HEATR5B: variants seen among roughly 807,000 people sequenced by gnomAD.
HEATR5B encodes HEAT repeat-containing protein 5B.
In HEATR5B, 156 loss-of-function variants were observed where a neutral mutation model predicts 224.1. That is an observed-to-expected ratio of 0.70 (90% CI 0.61 to 0.80). The LOEUF (loss-of-function observed/expected upper bound fraction) is 0.80. HEATR5B is among the 30% of genes least tolerant of loss of function. The pLI, the probability that HEATR5B is intolerant of heterozygous loss-of-function variation, is 0.00. For synonymous variants in HEATR5B, 1,027 were observed against 893.0 expected (o/e 1.15, Z -2.68); for missense variants, 2,323 against 2,535.5 (o/e 0.92, Z 1.80).
chr2:36,981,591 C>T lies in HEATR5B; in HGVS notation c.6115G>A (p.Val2039Ile), dbSNP rs142274487. 4.2e-5 allele frequency: 67 copies of T among 1,614,042 alleles called. No homozygotes were observed. The highest frequency in any genetic ancestry group is 8.0e-5 in the African/African-American group (6 of 74,920). Residue 2039 changes from valine to isoleucine, a missense_variant, in exon 36 of 36, where the codon GTT becomes ATT. Transcript: ENST00000233099. ...GCTTTGCTCGCTTGGCTTGCTCGAACGGCAGTTTCTAGACGCACTTTCAAC... is the reference window on the plus strand; with the variant it reads ...GCTTTGCTCGCTTGGCTTGCTCGAATGGCAGTTTCTAGACGCACTTTCAAC... ...PELKVRLETA[V>I]RASQASKAKA...
chr2:36,983,682 C>G (rs1439629903), intron 35 of HEATR5B, among the ~76,000 whole-genome samples: 1 of 151,662 alleles, frequency 6.6e-6, no homozygotes, highest in Admixed American at 6.6e-5. Flanking sequence ...GAGCAGAGAT[C>G]GTGCCATTGC....
chr2:37,029,072 T>C (rs1668957606), intron 22 of HEATR5B, 152 bp from the exon 23 acceptor site: 1 of 670,428 alleles, frequency 1.5e-6, no homozygotes, highest in Non-Finnish European at 2.5e-6. Context: ...CTAGTTTACA[T>C]ATCTTTGGGA....
At chr2:37,016,540 C>T (rs527944597) in intron 26 of HEATR5B, among the ~76,000 whole-genome samples, 1 of 152,260 alleles carries the variant, frequency 6.6e-6, no homozygotes, top group South Asian at 2.1e-4. Flanking sequence ...TGTGGCAGCA[C>T]CCCATAATTA....
At chr2:37,067,680 G>A (rs944642967) in intron 8 of HEATR5B, among the ~76,000 whole-genome samples, 5 of 152,134 alleles carry the variant, frequency 3.3e-5, no homozygotes, top group Non-Finnish European at 7.3e-5. Context: ...GGTGAGGCAG[G>A]AGAATAATTT....
In HEATR5B at chr2:37,058,875, A is replaced by G. The variant is rs1448702762; in HGVS notation, c.1949+13T>C. On this transcript the variant is annotated intron_variant, in intron 13 of 35. Transcript: ENST00000233099. Reference sequence around the variant, plus strand: ...TAAAATAGGATGTGAACTTGTCTCAATCGCTTACTTACTGTGACATCATAG... The same window carrying G: ...TAAAATAGGATGTGAACTTGTCTCAGTCGCTTACTTACTGTGACATCATAG... 1.7e-5 allele frequency: 26 copies of G among 1,506,492 alleles called. No homozygotes were observed. The highest frequency in any genetic ancestry group is 2.3e-5 in the East Asian group (1 of 44,160). The allele number at this position is 1,506,492 out of a possible 1,614,324, so 93.3% of individuals were successfully genotyped here.
intron 27 of HEATR5B, among the ~76,000 whole-genome samples, chr2:37,010,615 G>A (rs1667727174): frequency 6.6e-6 from 1 of 151,906 alleles, no homozygotes; most frequent in Non-Finnish European, 1.5e-5. Context: ...CCGGGTTCAA[G>A]TGATTCTCCT....
intron 25 of HEATR5B, among the ~76,000 whole-genome samples, chr2:37,020,176 A>T (rs927085977): frequency 2.0e-5 from 3 of 152,222 alleles, no homozygotes; most frequent in Non-Finnish European, 4.4e-5. Flanking sequence ...AAGTGCTGGG[A>T]TTACAGGCGT....
At chr2:37,055,810 T>C (rs1287591780) in intron 16 of HEATR5B, among the ~76,000 whole-genome samples, 1 of 152,220 alleles carries the variant, frequency 6.6e-6, no homozygotes, top group East Asian at 1.9e-4. Context: ...TTTTAAGTTA[T>C]CTGTGATGGT....
At chr2:36,983,963 C>T (rs1293373171) in intron 35 of HEATR5B, among the ~76,000 whole-genome samples, 1 of 151,000 alleles carries the variant, frequency 6.6e-6, no homozygotes, top group African/African-American at 2.4e-5. Context: ...CTTTGGGAGG[C>T]TGAGGCGGGT....
chr2:37,002,627 A>C (rs1423776843), intron 31 of HEATR5B, 55 bp from the exon 32 acceptor site: 6 of 1,552,700 alleles, frequency 3.9e-6, no homozygotes, highest in Non-Finnish European at 5.3e-6. Flanking sequence ...TATGTAAAAC[A>C]ACACAAGTAT....
intron 35 of HEATR5B, among the ~76,000 whole-genome samples, chr2:36,986,614 A>T (rs543931554): frequency 7.0e-4 from 107 of 152,228 alleles, no homozygotes; most frequent in Middle Eastern, 3.4e-3. Flanking sequence ...ATATAGATTA[A>T]AAGTCTTTTT....
At chr2:37,025,151 G>T (rs2148451796) in intron 24 of HEATR5B, among the ~76,000 whole-genome samples, 1 of 152,170 alleles carries the variant, frequency 6.6e-6, no homozygotes, top group South Asian at 2.1e-4. Flanking sequence ...AATCAGAATG[G>T]CAGGCGGTGA....
rs1374078843 is a variant in HEATR5B, at chr2:37,024,184, G to C, written c.3854-3348C>G. On this transcript the variant is annotated intron_variant, in intron 24 of 35. Transcript: ENST00000233099. ...TACCACATGATCTCACTCATAGGTG[G>C]AATCTAAAAAAGTTAATCTAACAGA... Among the ~76,000 whole-genome samples the C allele has an allele frequency of 2.6e-5, 4 of 152,186 alleles. No individual in the cohort carries two copies. In the East Asian group the frequency reaches 7.7e-4, roughly 29 times the overall value.
chr2:37,024,547 T>C (rs1017357648), intron 24 of HEATR5B, among the ~76,000 whole-genome samples: 1 of 152,120 alleles, frequency 6.6e-6, no homozygotes, highest in Non-Finnish European at 1.5e-5. Flanking sequence ...ACTGATAAGC[T>C]AGAAAAGATG....
chr2:37,049,975 C>G, intron 17 of HEATR5B, 132 bp from the exon 18 acceptor site: 1 of 827,200 alleles, frequency 1.2e-6, no homozygotes, highest in Non-Finnish European at 1.7e-6. Flanking sequence ...ACTACAGCCT[C>G]GACCTTCTGA....
At chr2:37,004,916 T>C (rs553798099) in intron 30 of HEATR5B, among the ~76,000 whole-genome samples, 50 of 152,306 alleles carry the variant, frequency 3.3e-4, no homozygotes, top group African/African-American at 9.4e-4. Flanking sequence ...CTGGCCTCCC[T>C]GTCTCCCTTC....
chr2:37,048,443 C>G (rs1670337572), intron 18 of HEATR5B, among the ~76,000 whole-genome samples: 1 of 151,882 alleles, frequency 6.6e-6, no homozygotes, highest in Admixed American at 6.6e-5. Flanking sequence ...CCTCAGGCTC[C>G]CAAAGTGCTG....
At chr2:37,069,769 A>C (rs1671795084) in intron 7 of HEATR5B, among the ~76,000 whole-genome samples, 1 of 152,184 alleles carries the variant, frequency 6.6e-6, no homozygotes, top group Admixed American at 6.5e-5. Flanking sequence ...TGTAATTTGG[A>C]ATTTGAATGT....
At chr2:37,009,780 CTTTTTT>C (rs1333708477) in intron 27 of HEATR5B, among the ~76,000 whole-genome samples, 1 of 133,034 alleles carries the variant, frequency 7.5e-6, no homozygotes. Flanking sequence ...CCCGCCTCCA[CTTTTTT>C]TTTTTTTTTT....
Sources: allele counts gnomAD v4.1 joint callset (sites outside exome capture counted in the v4.1 genomes callset), GRCh38; gene constraint gnomAD v4.1.1; transcripts MANE v1.5; gene names NCBI Gene and HGNC (gene_info 2026-07-23, HGNC 2026-07-21).